The following PDE4DIP variants were observed in gnomAD, a reference collection of about 807,000 sequenced individuals.
The protein encoded by PDE4DIP is myomegalin.
Under a neutral mutation model 221.4 loss-of-function variants are expected in PDE4DIP, and 59 were observed. That is an observed-to-expected ratio of 0.27 (90% CI 0.22 to 0.33). PDE4DIP has a LOEUF of 0.33. Among genes scored for constraint, PDE4DIP ranks in the 10% least tolerant of loss-of-function variants. The pLI is 1.00. For missense variants in PDE4DIP, 1,036 were observed against 2,154.2 expected, an observed-to-expected ratio of 0.48 and a Z score of 10.28; for synonymous variants, 404 against 815.9, an observed-to-expected ratio of 0.50 and a Z score of 8.60.
intron 32 of PDE4DIP, among the ~76,000 whole-genome samples, chr1:149,016,090 C>G (rs587768673): frequency 1.4e-5 from 2 of 143,380 alleles, no homozygotes; most frequent in Non-Finnish European, 1.5e-5. Flanking sequence ...TTCTCTACCT[C>G]TTGTGTCTCC....
At chr1:149,023,848 CTA>C (rs1367005247) in intron 37 of PDE4DIP, among the ~76,000 whole-genome samples, 1 of 147,258 alleles carries the variant, frequency 6.8e-6, no homozygotes, top group Non-Finnish European at 1.5e-5. Context: ...ATATATACAC[CTA>C]TATATAGTAT....
chr1:148,915,240 T>C (rs2043715193), intron 1 of PDE4DIP, among the ~76,000 whole-genome samples: 1 of 152,118 alleles, frequency 6.6e-6, no homozygotes, highest in African/African-American at 2.4e-5. Flanking sequence ...CTCTGCCTCC[T>C]GGGTTCAAGC....
chr1:148,973,194 C>T lies in PDE4DIP; in HGVS notation c.2227+602C>T, dbSNP rs370509502. ...TCTAGGACCTTTTTTTTTTTTGAGACGGAGTCTCGCTCTGTCACCCAGGTG... is the reference window on the plus strand; with the variant it reads ...TCTAGGACCTTTTTTTTTTTTGAGATGGAGTCTCGCTCTGTCACCCAGGTG... On this transcript the variant is annotated intron_variant, in intron 16 of 43. Transcript: ENST00000369354. Among the ~76,000 whole-genome samples the T allele has an allele frequency of 1.2e-3, 183 of 147,466 alleles. 1 individual carries two copies. The highest frequency in any genetic ancestry group is 4.0e-3 in the African/African-American group (159 of 39,988).
intron 22 of PDE4DIP, among the ~76,000 whole-genome samples, 186 bp from the exon 26 acceptor site, chr1:148,997,957 T>C (rs1305196743): frequency 1.3e-5 from 2 of 152,206 alleles, no homozygotes; most frequent in South Asian, 2.1e-4. Flanking sequence ...ATTTTGTGTG[T>C]CCTTCCCACC....
At chr1:148,992,368 G>C in intron 22 of PDE4DIP, 1 of 1,524,896 alleles carries the variant, frequency 6.6e-7, no homozygotes, top group Admixed American at 2.2e-5. Flanking sequence ...TGCTCGGGGA[G>C]GTGGCAGGGC....
intron 5 of PDE4DIP, chr1:148,953,880 A>G (rs782311080): frequency 1.2e-6 from 2 of 1,612,138 alleles, no homozygotes; most frequent in East Asian, 4.5e-5. Context: ...GATCTCTGTG[A>G]AGATTATTTG....
chr1:149,012,888 A>G, intron 32 of PDE4DIP, 112 bp downstream of exon 35: 1 of 581,874 alleles, frequency 1.7e-6, no homozygotes, highest in Non-Finnish European at 3.0e-6. Flanking sequence ...ACACGTTACA[A>G]ATGTAAGAGG....
intron 20 of PDE4DIP, among the ~76,000 whole-genome samples, chr1:148,980,452 G>A (rs1307317301): frequency 6.6e-6 from 1 of 152,114 alleles, no homozygotes; most frequent in Admixed American, 6.5e-5. Context: ...TATCATCAAA[G>A]AAAATATATT....
intron 12 of PDE4DIP, 72 bp from the exon 16 acceptor site, chr1:148,967,654 C>T: frequency 3.2e-6 from 2 of 616,334 alleles, no homozygotes; most frequent in South Asian, 4.4e-5. Context: ...AAAAGTGGAT[C>T]TAATTTCTTG....
intron 1 of PDE4DIP, among the ~76,000 whole-genome samples, chr1:148,831,988 CTTGATGGGGATGGCA>C (rs1391397704): frequency 1.5e-4 from 19 of 127,348 alleles, no homozygotes; most frequent in African/African-American, 4.9e-4. Flanking sequence ...TCATTGGTAG[CTTGATGGGGATGGCA>C]TTGAATCTAT....
At chr1:148,935,034 T>C (rs1300810676) in intron 4 of PDE4DIP, among the ~76,000 whole-genome samples, 2 of 151,872 alleles carry the variant, frequency 1.3e-5, no homozygotes. Context: ...GCCAACATGG[T>C]GAAACCCCAT....
In PDE4DIP at chr1:148,892,180, A is replaced by G. The variant is rs1245876003; in HGVS notation, c.141+2286A>G. On this transcript the variant is annotated intron_variant, in intron 1 of 43. Transcript: ENST00000369354. Reference sequence around the variant, plus strand: ...TGGCTAATTTTCGTATTTTTAATAGAGGCGGGGTTTTACCATGTTGGCCAG... The same window carrying G: ...TGGCTAATTTTCGTATTTTTAATAGGGGCGGGGTTTTACCATGTTGGCCAG... Among the ~76,000 whole-genome samples the G allele has an allele frequency of 4.2e-5, 5 of 120,236 alleles. 1 individual carries two copies. The highest frequency in any genetic ancestry group is 1.8e-4 in the African/African-American group (5 of 27,910). 78.9% of individuals were successfully genotyped at this position (120,236 alleles called of 152,430 possible). A position where few individuals can be genotyped will look rare whatever the true frequency, so the allele number is the denominator to read the frequency against.
intron 27 of PDE4DIP, among the ~76,000 whole-genome samples, chr1:149,006,125 T>G: frequency 6.6e-6 from 1 of 150,404 alleles, no homozygotes. Context: ...AGAGCAAGAG[T>G]CTGTCTCGGA....
At chr1:148,881,549 C>A in intron 3 of PDE4DIP, among the ~76,000 whole-genome samples, 1 of 131,600 alleles carries the variant, frequency 7.6e-6, no homozygotes, top group Non-Finnish European at 1.6e-5. Flanking sequence ...TTAGTTTATT[C>A]ATCTTGAAAA....
At chr1:148,969,798 C>T (rs2058855493) in intron 14 of PDE4DIP, among the ~76,000 whole-genome samples, 1 of 151,694 alleles carries the variant, frequency 6.6e-6, no homozygotes, top group Admixed American at 6.6e-5. Flanking sequence ...CCTCTGCCTC[C>T]TGGGTTCAAG....
rs1276666689 is a variant in PDE4DIP, at chr1:148,931,655, G to A, written c.219-145G>A. On this transcript the variant is annotated intron_variant, in intron 2 of 43. Transcript: ENST00000369354. ...TGCCGGTGAGGCTGCATAGAAATGG[G>A]AATGCTTACACGCTGTTGGTGGAAA... The A allele has an allele frequency of 8.9e-6, 8 of 897,836 alleles. No individual in the cohort carries two copies. The Admixed American group carries it at 1.2e-4, about 14-fold the overall frequency. 55.6% of individuals were successfully genotyped at this position (897,836 alleles called of 1,614,324 possible).
chr1:148,946,618 A>C (rs1225044966), intron 5 of PDE4DIP, among the ~76,000 whole-genome samples: 1 of 137,648 alleles, frequency 7.3e-6, no homozygotes, highest in Non-Finnish European at 1.6e-5. Context: ...TCATCATGTC[A>C]TTGTCTGCTT....
At chr1:148,905,371 AT>A in intron 1 of PDE4DIP, among the ~76,000 whole-genome samples, 1 of 44,384 alleles carries the variant, frequency 2.3e-5, no homozygotes, top group South Asian at 9.8e-4. Flanking sequence ...TTTTATTTTT[AT>A]TTTTTATTTT....
chr1:149,032,381 C>A (rs1289063473), exon 44 of PDE4DIP: 1 of 491,852 alleles, frequency 2.0e-6, no homozygotes, highest in South Asian at 2.3e-5. Flanking sequence ...ACCCTGATTC[C>A]GATGAAAGGG....
Sources: gnomAD v4.1 joint callset for allele counts (sites outside exome capture counted in the v4.1 genomes callset) on GRCh38, gnomAD v4.1.1 for gene constraint, MANE v1.5 for transcripts, NCBI Gene and HGNC (gene_info 2026-07-23, HGNC 2026-07-21) for gene names.